Variants in PHF3 observed in about 807,000 individuals in gnomAD.
The protein encoded by PHF3 is PHD finger protein 3.
PHF3 carries 41 observed loss-of-function variants against 178.4 expected under a neutral mutation model. The ratio of observed to expected loss-of-function variants is 0.23; its 90% confidence interval spans 0.18 to 0.30. The LOEUF is 0.30. PHF3 is among the 10% of genes least tolerant of loss of function. The pLI is 1.00. For synonymous variants in PHF3, 842 were observed against 800.5 expected, an observed-to-expected ratio of 1.05 and a Z score of -0.88; for missense variants, 2,346 against 2,398.1, an observed-to-expected ratio of 0.98 and a Z score of 0.45.
intron 2 of PHF3, among the ~76,000 whole-genome samples, chr6:63,655,158 G>T (rs1033657233): frequency 1.3e-5 from 2 of 152,028 alleles, no homozygotes; most frequent in Non-Finnish European, 2.9e-5. Context: ...CCGCCTCCCG[G>T]GTTCAAGCAA....
At chr6:63,637,322 C>CA (rs1285173679) in intron 1 of PHF3, among the ~76,000 whole-genome samples, 2 of 152,260 alleles carry the variant, frequency 1.3e-5, no homozygotes, top group East Asian at 3.9e-4. Context: ...AAAGGCCTAA[C>CA]AAAACTACGC....
At chr6:63,654,001 A>G (rs1003657572) in intron 2 of PHF3, among the ~76,000 whole-genome samples, 3 of 152,192 alleles carry the variant, frequency 2.0e-5, no homozygotes, top group Non-Finnish European at 4.4e-5. Flanking sequence ...GTGGTGAGTG[A>G]TCTTTTTAAT....
At chr6:63,702,693 G>A in intron 10 of PHF3, 54 bp downstream of exon 10, 1 of 1,509,470 alleles carries the variant, frequency 6.6e-7, no homozygotes, top group Non-Finnish European at 9.0e-7. Flanking sequence ...TTCAGAAAAG[G>A]TTTATTTGCC....
chr6:63,684,703 A>G lies in PHF3; in HGVS notation c.981A>G (p.Lys327=). 6.2e-7 allele frequency: 1 copy of G among 1,613,804 alleles called. No homozygotes were observed. The highest frequency in any genetic ancestry group is 8.5e-7 in the Non-Finnish European group (1 of 1,179,786). Reference sequence around the variant, plus strand: ...AACAAGATTCAAAGGAGACAGTAAAATTATCCCATGAAGATGACCATATTC... The same window carrying G: ...AACAAGATTCAAAGGAGACAGTAAAGTTATCCCATGAAGATGACCATATTC... The part of the protein sequence containing the change: ...KVEQDSKETV[K]LSHEDDHILE... The change falls in exon 4 of 16, where the codon AAA becomes AAG. Residue 327 remains lysine, a synonymous_variant. Coordinates refer to ENST00000262043, the MANE Select transcript of PHF3 (RefSeq NM_001370348.2).
chr6:63,642,782 A>G (rs78318979), intron 1 of PHF3, among the ~76,000 whole-genome samples: 3,413 of 152,300 alleles, frequency 0.022, 72 homozygotes, highest in South Asian at 0.094. Context: ...TGTAAGAAAC[A>G]GGAATTTGTT....
chr6:63,694,454 C>A, intron 5 of PHF3, 127 bp from the exon 6 acceptor site: 2 of 627,212 alleles, frequency 3.2e-6, no homozygotes, highest in Non-Finnish European at 5.2e-6. Flanking sequence ...AAAATAGGTG[C>A]AGAATAGATT....
In PHF3 at chr6:63,702,548, G is replaced by A; in HGVS notation, c.3140G>A (p.Arg1047Gln). ...MIEKEQREVE[R>Q]RPITKITHKG... The stretch of plus-strand genomic sequence containing the variant: ...GAGAAAGAGCAGAGAGAAGTGGAAC[G>A]ACGGCCAATCACCAAAATAACTCAT... The change falls in exon 10 of 16, where the codon CGA (arginine) becomes CAA (glutamine). Residue 1047 changes from arginine (R) to glutamine (Q), a missense_variant. This residue lies in a region of PHF3 where 45 missense variants were observed against 87.9 expected (regional missense o/e 0.51). Transcript: ENST00000262043. The A allele has an allele frequency of 1.9e-6, 3 of 1,612,330 alleles. No homozygotes were observed. Among genetic ancestry groups the A allele is most frequent in the Non-Finnish European group, 2.5e-6 (3 of 1,178,778 alleles).
At chr6:63,693,303 G>A (rs1439412320) in intron 5 of PHF3, among the ~76,000 whole-genome samples, 1 of 152,146 alleles carries the variant, frequency 6.6e-6, no homozygotes, top group Admixed American at 6.5e-5. Context: ...TAGCTGAGTT[G>A]TCTCTGTCTT....
chr6:63,692,661 C>T (rs1239946039), intron 5 of PHF3, among the ~76,000 whole-genome samples: 3 of 152,236 alleles, frequency 2.0e-5, no homozygotes, highest in Middle Eastern at 6.8e-3. Context: ...TAATCCAAAA[C>T]GCAAAGAACA....
intron 1 of PHF3, among the ~76,000 whole-genome samples, chr6:63,639,322 A>G (rs1205139957): frequency 6.6e-6 from 1 of 152,180 alleles, no homozygotes; most frequent in Admixed American, 6.5e-5. Context: ...TGTAATTTGC[A>G]TGAGCTGGGC....
At chr6:63,641,088 A>G (rs1401129680) in intron 1 of PHF3, among the ~76,000 whole-genome samples, 2 of 152,236 alleles carry the variant, frequency 1.3e-5, no homozygotes, top group Non-Finnish European at 2.9e-5. Context: ...TTGTTCTTCT[A>G]CTGCTACTGC....
chr6:63,669,683 CTA>C (rs1765825902), intron 2 of PHF3, among the ~76,000 whole-genome samples: 1 of 152,022 alleles, frequency 6.6e-6, no homozygotes, highest in Non-Finnish European at 1.5e-5. Flanking sequence ...GAGGAAGGCT[CTA>C]GAGTTGGAAA....
At chr6:63,702,688 A>G in intron 10 of PHF3, 49 bp downstream of exon 10, 1 of 1,534,328 alleles carries the variant, frequency 6.5e-7, no homozygotes, top group South Asian at 1.3e-5. Context: ...GAAGATTCAG[A>G]AAAGGTTTAT....
At chr6:63,697,962 A>G (rs1767303969) in intron 6 of PHF3, among the ~76,000 whole-genome samples, 1 of 152,186 alleles carries the variant, frequency 6.6e-6, no homozygotes, top group South Asian at 2.1e-4. Context: ...AAACTTTTTA[A>G]AAGTTAATTA....
chr6:63,637,307 TTG>T (rs767079436), intron 1 of PHF3, among the ~76,000 whole-genome samples: 3 of 152,204 alleles, frequency 2.0e-5, no homozygotes, highest in Non-Finnish European at 4.4e-5. Flanking sequence ...GACAAAATGA[TTG>T]TTAAAGGCCT....
In PHF3 at chr6:63,646,703, A is replaced by G. The variant is rs758578557; in HGVS notation, c.152A>G (p.Asp51Gly). 6.2e-7 allele frequency: 1 copy of G among 1,613,358 alleles called. No individual in the cohort carries two copies. The highest frequency in any genetic ancestry group is 1.7e-5 in the Admixed American group (1 of 59,962). Residue 51 changes from aspartate to glycine, a missense_variant, in exon 2 of 16, where the codon GAT (aspartate) becomes GGT (glycine). Around this residue, in one of 8 missense-constraint regions of PHF3, gnomAD observed 843 missense variants for 795.2 expected, o/e 1.06. Transcript: ENST00000262043. Reference protein sequence around the residue: ...LEDSLKNMLSDKDPMLGSASN... With the variant: ...LEDSLKNMLSGKDPMLGSASN... ...GACTCGCTGAAGAACATGCTCAGCG[A>G]TAAGGATCCTATGCTAGGATCTGCA... is the stretch of plus-strand genomic sequence containing the variant.
At chr6:63,691,565 A>G (rs958062055) in intron 4 of PHF3, among the ~76,000 whole-genome samples, 172 bp from the exon 5 acceptor site, 2 of 152,170 alleles carry the variant, frequency 1.3e-5, no homozygotes, top group Non-Finnish European at 2.9e-5. Context: ...TTTTAATAGA[A>G]TATTATTTTC....
At chr6:63,679,292 T>C (rs1034021694) in intron 2 of PHF3, among the ~76,000 whole-genome samples, 1 of 152,122 alleles carries the variant, frequency 6.6e-6, no homozygotes, top group African/African-American at 2.4e-5. Context: ...TTTCTTTGAC[T>C]GTTCCTGAGT....
chr6:63,638,559 A>G (rs1175662301), intron 1 of PHF3, among the ~76,000 whole-genome samples: 2 of 152,078 alleles, frequency 1.3e-5, no homozygotes, highest in Admixed American at 1.3e-4. Context: ...GTCAACATTT[A>G]GGTTTGTGTA....
Sources: gnomAD v4.1 joint callset for allele counts (sites outside exome capture counted in the v4.1 genomes callset) on GRCh38, gnomAD v4.1.1 for gene constraint, gnomAD v4.1.1 regional missense constraint, MANE v1.5 for transcripts, NCBI Gene and HGNC (gene_info 2026-07-23, HGNC 2026-07-21) for gene names.